The following METTL8 variants were observed in gnomAD, a reference collection of about 807,000 sequenced individuals.
METTL8 encodes methyltransferase 8, tRNA N3-cytidine.
Under a neutral mutation model 48.7 loss-of-function variants are expected in METTL8, and 32 were observed. The ratio of observed to expected loss-of-function variants is 0.66; its 90% CI spans 0.50 to 0.88. The LOEUF is 0.88. Among genes scored for constraint, METTL8 ranks in the 40% least tolerant of loss-of-function variants. The pLI, the probability that METTL8 is intolerant of heterozygous loss-of-function variation, is 0.00. For synonymous variants in METTL8, 136 were observed against 157.1 expected, an observed-to-expected ratio of 0.87 and a Z score of 1.01; for missense variants, 464 against 474.4, an observed-to-expected ratio of 0.98 and a Z score of 0.20.
chr2:171,363,786 C>T (rs1169267879), intron 2 of METTL8, among the ~76,000 whole-genome samples: 3 of 84,762 alleles, frequency 3.5e-5, no homozygotes, highest in Non-Finnish European at 7.3e-5. Context: ...AGTACATCCC[C>T]AAATTTTATA....
chr2:171,398,208 A>G (rs1387772933), intron 1 of METTL8, among the ~76,000 whole-genome samples: 3 of 152,224 alleles, frequency 2.0e-5, no homozygotes, highest in African/African-American at 7.2e-5. Context: ...TCATAGCAAC[A>G]TCATTCACAA....
chr2:171,385,578 T>C (rs983645551), intron 2 of METTL8, among the ~76,000 whole-genome samples: 1 of 152,224 alleles, frequency 6.6e-6, no homozygotes, highest in Admixed American at 6.5e-5. Context: ...TTTTTATTGC[T>C]GCTCTTACAG....
chr2:171,413,480 T>C (rs747277038), intron 1 of METTL8, among the ~76,000 whole-genome samples: 8 of 152,346 alleles, frequency 5.3e-5, no homozygotes, highest in Non-Finnish European at 8.8e-5. Context: ...GGAAAATATT[T>C]TTTATAAAAA....
At chr2:171,406,156 C>T (rs764244516) in intron 1 of METTL8, among the ~76,000 whole-genome samples, 15 of 152,176 alleles carry the variant, frequency 9.9e-5, no homozygotes, top group Admixed American at 5.9e-4. Context: ...CTAAGCCAAT[C>T]GGCACACTTC....
At chr2:171,362,545 A>G (rs1176469928) in intron 2 of METTL8, among the ~76,000 whole-genome samples, 2 of 149,360 alleles carry the variant, frequency 1.3e-5, no homozygotes, top group Non-Finnish European at 3.0e-5. Context: ...AAGGTACGAA[A>G]CTGTTTTCCT....
intron 2 of METTL8, among the ~76,000 whole-genome samples, chr2:171,362,597 A>ATAAATAAATCAG (rs1553516254): frequency 8.6e-5 from 13 of 151,346 alleles, no homozygotes; most frequent in African/African-American, 2.9e-4. Flanking sequence ...AAATAAATAA[A>ATAAATAAATCAG]TAAATCAAAA....
intron 5 of METTL8, among the ~76,000 whole-genome samples, chr2:171,334,071 T>TAAAACAAAACAAAACAAAAC (rs148818231): frequency 4.0e-5 from 6 of 150,718 alleles, no homozygotes; most frequent in African/African-American, 1.5e-4. Context: ...CATAGTCCTC[T>TAAAACAAAACAAAACAAAAC]AAAACAAAAC....
At chr2:171,389,937 A>C (rs1050487201) in intron 2 of METTL8, among the ~76,000 whole-genome samples, 2 of 152,258 alleles carry the variant, frequency 1.3e-5, no homozygotes, top group African/African-American at 4.8e-5. Context: ...TATTGGAAGA[A>C]GATGTCATCT....
intron 1 of METTL8, among the ~76,000 whole-genome samples, chr2:171,426,940 A>C (rs560416627): frequency 6.6e-6 from 1 of 152,244 alleles, no homozygotes; most frequent in South Asian, 2.1e-4. Context: ...CCTACTTCTG[A>C]GATCTGATTT....
intron 2 of METTL8, among the ~76,000 whole-genome samples, chr2:171,379,702 G>T (rs183009904): frequency 1.3e-5 from 2 of 152,128 alleles, no homozygotes; most frequent in Non-Finnish European, 2.9e-5. Context: ...ACTCAACCAG[G>T]AAGAAGTTCA....
intron 3 of METTL8, among the ~76,000 whole-genome samples, chr2:171,341,894 G>C (rs953298941): frequency 1.3e-5 from 2 of 151,656 alleles, no homozygotes; most frequent in South Asian, 4.2e-4. Context: ...AATACTTCTA[G>C]AAGGATAATC....
chr2:171,338,872 G>A (rs986632447), intron 4 of METTL8, among the ~76,000 whole-genome samples: 12 of 151,958 alleles, frequency 7.9e-5, no homozygotes, highest in African/African-American at 2.7e-4. Flanking sequence ...CTAAAAAGGG[G>A]TAATAACAAA....
At position 171,409,913 on chromosome 2, in the gene METTL8, C is replaced by T. The variant is rs35532532; in HGVS notation, c.-12-17716G>A. Among the ~76,000 whole-genome samples, 1,006 of 152,118 alleles carry T rather than the reference C, an allele frequency of 6.6e-3. 6 individuals carry two copies. Among genetic ancestry groups the T allele is most frequent in the Middle Eastern group, 0.024 (7 of 294 alleles). On this transcript the variant is annotated intron_variant, in intron 1 of 9. Transcript: ENST00000375258. The stretch of plus-strand genomic sequence containing the variant: ...GCCTTGTAATTGTCTACGGTCAGGC[C>T]GGAAAGATCACATGTGGAATTTCGA...
chr2:171,434,677 G>A (rs1383832593), upstream of METTL8: 14 of 1,507,144 alleles, frequency 9.3e-6, no homozygotes, highest in Non-Finnish European at 1.2e-5. Flanking sequence ...GACCAACCTG[G>A]GCATCCTGCG....
intron 1 of METTL8, among the ~76,000 whole-genome samples, chr2:171,409,104 C>T (rs114299946): frequency 9.9e-5 from 15 of 152,254 alleles, no homozygotes; most frequent in African/African-American, 1.9e-4. Flanking sequence ...AGGGCTGAAC[C>T]GACAACAGGC....
At chr2:171,340,655 G>A (rs1364378448) in intron 3 of METTL8, among the ~76,000 whole-genome samples, 1 of 152,106 alleles carries the variant, frequency 6.6e-6, no homozygotes, top group Non-Finnish European at 1.5e-5. Context: ...TGATCAGACA[G>A]GAAATTTCAA....
Position 171,323,160 on chromosome 2 carries a change from C to T in METTL8, c.*1012G>A, listed in dbSNP as rs1684616631. On this transcript the variant is annotated 3_prime_UTR_variant, in exon 10 of 10. Transcript: ENST00000375258. Reference sequence around the variant, plus strand: ...AGGTCTCAGCTTCATTTTACACAGTCCCTATTCAAGATGAAGTTGCTCTGG... The same window carrying T: ...AGGTCTCAGCTTCATTTTACACAGTTCCTATTCAAGATGAAGTTGCTCTGG... 6.6e-6 allele frequency: 1 copy of T among 152,144 alleles called. No homozygotes were observed. The highest frequency in any genetic ancestry group is 1.5e-5 in the Non-Finnish European group (1 of 68,026). The allele number at this position is 152,144 out of a possible 1,614,324, so 9.4% of individuals were successfully genotyped here.
At chr2:171,345,332 T>C (rs1417829861) in intron 3 of METTL8, among the ~76,000 whole-genome samples, 1 of 152,150 alleles carries the variant, frequency 6.6e-6, no homozygotes, top group Non-Finnish European at 1.5e-5. Flanking sequence ...TATAATATGA[T>C]TAATATGAAT....
At position 171,339,385 on chromosome 2, in the gene METTL8, A is replaced by G. The variant is rs769698058; in HGVS notation, c.405T>C (p.Thr135=). ...TTCTTGAGAAACGATTTGTAGCACT[A>G]GTTTTTACATGATCCCATGATGATT... ...ARESSWDHVK[T]SATNRFSRMH... Residue 135 remains threonine, a synonymous_variant, in exon 4 of 10, where the codon ACT becomes ACC. Transcript: ENST00000375258. 1 of 1,613,428 alleles carries G rather than the reference A, an allele frequency of 6.2e-7. No homozygotes were observed. Among genetic ancestry groups the G allele is most frequent in the African/African-American group, 1.3e-5 (1 of 75,028 alleles).
Sources: allele counts gnomAD v4.1 joint callset (sites outside exome capture counted in the v4.1 genomes callset), GRCh38; gene constraint gnomAD v4.1.1; transcripts MANE v1.5; gene names NCBI Gene and HGNC (gene_info 2026-07-23, HGNC 2026-07-21).